MTG1: variants seen among roughly 807,000 people sequenced by gnomAD.
MTG1 encodes the protein mitochondrial ribosome associated GTPase 1.
MTG1 carries 30 observed loss-of-function variants against 39.5 expected under a neutral mutation model. The observed-to-expected ratio is 0.76, with a 90% CI of 0.57 to 1.03. The LOEUF is 1.03. MTG1 is among the 50% of genes least tolerant of loss of function. MTG1 has a pLI of 0.00. For synonymous variants in MTG1, 217 were observed against 179.0 expected (o/e 1.21, Z -1.69); for missense variants, 513 against 447.4 (o/e 1.15, Z -1.32).
chr10:133,411,052 C>T (rs576495527), intron 9 of MTG1, among the ~76,000 whole-genome samples: 4 of 152,174 alleles, frequency 2.6e-5, no homozygotes, highest in Non-Finnish European at 4.4e-5. Flanking sequence ...TTTACTTTTG[C>T]CAGTGGGTTT....
Position 133,407,387 on chromosome 10 carries a change from C to T in MTG1, c.752+4614C>T, listed in dbSNP as rs530686013. Among the ~76,000 whole-genome samples, 4 of 152,202 alleles carry T rather than the reference C, an allele frequency of 2.6e-5. No homozygotes were observed. In the South Asian group the frequency reaches 6.2e-4, roughly 24 times the overall value. On this transcript the variant is annotated intron_variant, in intron 9 of 10. Coordinates refer to ENST00000317502, the MANE Select transcript of MTG1 (RefSeq NM_138384.4). ...ATCTGTAAATTGCTTTGGGTGGTGA[C>T]ATTTTAACAGTATTCTTCTGACTGA... is the stretch of plus-strand genomic sequence containing the variant.
At chr10:133,397,234 TTCTC>T (rs1849796149) in intron 3 of MTG1, among the ~76,000 whole-genome samples, 1 of 152,042 alleles carries the variant, frequency 6.6e-6, no homozygotes, top group Admixed American at 6.6e-5. Context: ...CTGTCTCTCT[TTCTC>T]CCTCTCTCTC....
intron 9 of MTG1, among the ~76,000 whole-genome samples, chr10:133,412,658 C>G (rs1850063908): frequency 6.6e-6 from 1 of 152,086 alleles, no homozygotes; most frequent in East Asian, 1.9e-4. Context: ...TAGTCTCTTA[C>G]CATTGAGTGC....
intron 9 of MTG1, among the ~76,000 whole-genome samples, chr10:133,413,369 C>T (rs2133511030): frequency 6.6e-6 from 1 of 152,184 alleles, no homozygotes; most frequent in African/African-American, 2.4e-5. Flanking sequence ...CCATGTCGGC[C>T]TCCCAAAGTG....
At position 133,405,467 on chromosome 10, in the gene MTG1, G is replaced by A. The variant is rs151222497; in HGVS notation, c.752+2694G>A. Among the ~76,000 whole-genome samples, 753 of 152,232 alleles carry A rather than the reference G, an allele frequency of 4.9e-3. 4 individuals carry two copies. Among genetic ancestry groups the A allele is most frequent in the Middle Eastern group, 0.017 (5 of 294 alleles). ...TCCTGTTAACTGAAGTCACTCTACCGAACTATTCATTAATCAACCTCTGTC... is the reference window on the plus strand; with the variant it reads ...TCCTGTTAACTGAAGTCACTCTACCAAACTATTCATTAATCAACCTCTGTC... On this transcript the variant is annotated intron_variant, in intron 9 of 10. Coordinates refer to ENST00000317502, the MANE Select transcript of MTG1 (RefSeq NM_138384.4).
Position 133,395,747 on chromosome 10 carries a change from G to T in MTG1, c.147G>T (p.Val49=). Residue 49 remains valine, a synonymous_variant, in exon 2 of 11, where the codon GTG becomes GTT. Coordinates refer to ENST00000317502, the MANE Select transcript of MTG1 (RefSeq NM_138384.4). ...LKKMQSSLKL[V]DCIIEVHDAR... is the part of the protein sequence containing the mutation. Reference sequence around the variant, plus strand: ...AGATGCAGAGCAGCCTGAAGCTGGTGGACTGTATCATCGAGGTCCACGATG... The same window carrying T: ...AGATGCAGAGCAGCCTGAAGCTGGTTGACTGTATCATCGAGGTCCACGATG... 6.2e-7 allele frequency: 1 copy of T among 1,614,138 alleles called. No individual in the cohort carries two copies. Among genetic ancestry groups the T allele is most frequent in the Admixed American group, 1.7e-5 (1 of 60,018 alleles).
chr10:133,397,552 C>T (rs186587378), intron 3 of MTG1, among the ~76,000 whole-genome samples: 1,776 of 151,304 alleles, frequency 0.012, 30 homozygotes, highest in African/African-American at 0.039. Flanking sequence ...AATCTTGACT[C>T]ACTGCAAGCT....
At chr10:133,399,646 C>G (rs1259023870) in intron 6 of MTG1, 27 bp downstream of exon 6, 2 of 1,609,300 alleles carry the variant, frequency 1.2e-6, no homozygotes, top group Non-Finnish European at 1.7e-6. Flanking sequence ...CTGATCACCT[C>G]AGGAAAGGTA....
chr10:133,406,115 G>T (rs1474486150), intron 9 of MTG1, among the ~76,000 whole-genome samples: 2 of 152,068 alleles, frequency 1.3e-5, no homozygotes, highest in African/African-American at 2.4e-5. Flanking sequence ...TCATACACTT[G>T]TTGGCCATTT....
rs371536328 is a variant in MTG1, at chr10:133,399,213, A to G, written c.407A>G (p.Tyr136Cys). ...VTELIGRSHR[Y>C]HRKENLEYCI... ...GAACTGATTGGGAGAAGCCACCGCTACCACCGAAAAGAGGTTGGTTGGTGG... is the reference window on the plus strand; with the variant it reads ...GAACTGATTGGGAGAAGCCACCGCTGCCACCGAAAAGAGGTTGGTTGGTGG... Residue 136 changes from tyrosine to cysteine, a missense_variant, in exon 5 of 11, where the codon TAC becomes TGC. Tyr to Cys is a radical substitution (Grantham distance 194). Transcript: ENST00000317502. 40 of 1,614,000 alleles carry G rather than the reference A, an allele frequency of 2.5e-5. No individual in the cohort carries two copies. The highest frequency in any genetic ancestry group is 2.2e-5 in the East Asian group (1 of 44,870).
chr10:133,404,175 T>C (rs1849933838), intron 9 of MTG1, among the ~76,000 whole-genome samples: 1 of 135,488 alleles, frequency 7.4e-6, no homozygotes, highest in Non-Finnish European at 1.5e-5. Flanking sequence ...TTACCCAGGC[T>C]GAAGTGCAGT....
At chr10:133,416,568 A>C (rs1198949996) in intron 9 of MTG1, among the ~76,000 whole-genome samples, 1 of 97,978 alleles carries the variant, frequency 1.0e-5, no homozygotes, top group Admixed American at 1.4e-4. Context: ...CCCACCCCAC[A>C]ACAGTCCCAG....
intron 6 of MTG1, among the ~76,000 whole-genome samples, chr10:133,400,661 T>C (rs1474402590): frequency 1.3e-5 from 2 of 152,206 alleles, no homozygotes; most frequent in Non-Finnish European, 2.9e-5. Context: ...TTTTTATCAG[T>C]GGTATTAAGT....
chr10:133,412,138 G>C (rs188217586), intron 9 of MTG1, among the ~76,000 whole-genome samples: 123 of 151,682 alleles, frequency 8.1e-4, no homozygotes, highest in African/African-American at 2.7e-3. Context: ...TCACTTCTCT[G>C]GTCTCATCCT....
At chr10:133,395,572 T>TA in intron 1 of MTG1, 141 bp from the exon 2 acceptor site, 1 of 776,190 alleles carries the variant, frequency 1.3e-6, no homozygotes, top group Non-Finnish European at 2.1e-6. Flanking sequence ...TGTTATCTGT[T>TA]ACCATTACTT....
chr10:133,413,723 G>T (rs1311057446), intron 9 of MTG1, among the ~76,000 whole-genome samples: 1 of 151,934 alleles, frequency 6.6e-6, no homozygotes, highest in Non-Finnish European at 1.5e-5. Context: ...ATGCATTTCT[G>T]TTTTTCTTAT....
At position 133,411,587 on chromosome 10, in the gene MTG1, C is replaced by T. The variant is rs531468025; in HGVS notation, c.753-7893C>T. Among the ~76,000 whole-genome samples the T allele has an allele frequency of 5.9e-5, 9 of 152,290 alleles. No individual in the cohort carries two copies. The South Asian group carries it at 1.2e-3, about 21-fold the overall frequency. On this transcript the variant is annotated intron_variant, in intron 9 of 10. Transcript: ENST00000317502. ...TGAACCCCAGTAATTCCTAGGTTTGCTCCTCTGAGGCAGTTTTCTGTATCT... is the reference window on the plus strand; with the variant it reads ...TGAACCCCAGTAATTCCTAGGTTTGTTCCTCTGAGGCAGTTTTCTGTATCT...
At position 133,402,150 on chromosome 10, in the gene MTG1, T is replaced by A; in HGVS notation, c.575T>A (p.Val192Asp). The A allele has an allele frequency of 1.9e-6, 3 of 1,613,948 alleles. No homozygotes were observed. The highest frequency in any genetic ancestry group is 2.5e-6 in the Non-Finnish European group (3 of 1,179,942). Residue 192 changes from valine to aspartate, a missense_variant and splice_region_variant, in exon 8 of 11, where the codon GTC becomes GAC. Val to Asp is a radical substitution (Grantham distance 152). Transcript: ENST00000317502. The surrounding 1 kb of genome is among the most constrained non-coding windows in gnomAD (Gnocchi z 4.7). ...ATCATGCCCTCTGTGCCCACACAGG[T>A]CTCTGAGCGGCCCCTGATGTTCCTG... is the stretch of plus-strand genomic sequence containing the variant. Reference protein sequence around the residue: ...ITRAVMSKIQVSERPLMFLLD... With the variant: ...ITRAVMSKIQDSERPLMFLLD...
At chr10:133,408,743 A>G (rs1850004589) in intron 9 of MTG1, among the ~76,000 whole-genome samples, 1 of 152,168 alleles carries the variant, frequency 6.6e-6, no homozygotes, top group Admixed American at 6.5e-5. Context: ...CGATCTGTTC[A>G]AGTTTTTCCA....
Sources: allele counts gnomAD v4.1 joint callset (sites outside exome capture counted in the v4.1 genomes callset), GRCh38; gene constraint gnomAD v4.1.1; non-coding constraint Gnocchi (gnomAD v3.1); transcripts MANE v1.5; gene names NCBI Gene and HGNC (gene_info 2026-07-23, HGNC 2026-07-21).